SYNPO2: variants seen among roughly 807,000 people sequenced by gnomAD.
SYNPO2 encodes synaptopodin 2, also known as synaptopodin-2.
Under a neutral mutation model 85.0 loss-of-function variants are expected in SYNPO2, and 56 were observed. The observed-to-expected ratio is 0.66, with a 90% CI of 0.53 to 0.82. The LOEUF is 0.82. Among genes scored for constraint, SYNPO2 ranks in the 40% least tolerant of loss-of-function variants. SYNPO2 has a pLI of 0.00. For missense variants in SYNPO2, 1,575 were observed against 1,534.2 expected (o/e 1.03, Z -0.44); for synonymous variants, 602 against 591.1 (o/e 1.02, Z -0.27).
rs552766241 is a variant in SYNPO2 at position 118,956,883 on chromosome 4, A to G, written c.106-66547A>G. Among the ~76,000 whole-genome samples, 7 of 152,064 alleles carry G rather than the reference A, an allele frequency of 4.6e-5. No homozygotes were observed. In the East Asian group the frequency reaches 1.4e-3, roughly 30 times the overall value. ...AACATGGTGAAACTCCGTCTCTACTAAAAATATAAAAATTAGCCTGGTGTG... is the reference window on the plus strand; with the variant it reads ...AACATGGTGAAACTCCGTCTCTACTGAAAATATAAAAATTAGCCTGGTGTG... On this transcript the variant is annotated intron_variant, in intron 1 of 4. Transcript: ENST00000307142.
chr4:118,930,751 C>A (rs1028830026), intron 1 of SYNPO2, among the ~76,000 whole-genome samples: 109 of 119,892 alleles, frequency 9.1e-4, no homozygotes, highest in African/African-American at 1.6e-3. Flanking sequence ...CCCATATCTA[C>A]AAAAAAAAAA....
At chr4:118,969,399 T>C (rs1560924445) in intron 1 of SYNPO2, among the ~76,000 whole-genome samples, 1 of 87,738 alleles carries the variant, frequency 1.1e-5, no homozygotes, top group African/African-American at 3.7e-5. Flanking sequence ...AAATGGAAAA[T>C]GTATTTGTAA....
In SYNPO2 at chr4:118,974,950, T is replaced by C. The variant is rs547559176; in HGVS notation, c.106-48480T>C. On this transcript the variant is annotated intron_variant, in intron 1 of 4. Transcript: ENST00000307142. Reference sequence around the variant, plus strand: ...TGTCTAGTCCATCCTACACACTGACTAATCTCCCTAGAGTGCTTACAAACC... The same window carrying C: ...TGTCTAGTCCATCCTACACACTGACCAATCTCCCTAGAGTGCTTACAAACC... Among the ~76,000 whole-genome samples the C allele has an allele frequency of 2.6e-5, 4 of 152,348 alleles. No individual in the cohort carries two copies. In the East Asian group the frequency reaches 7.7e-4, roughly 29 times the overall value.
At chr4:118,992,359 C>G (rs1438566193) in intron 1 of SYNPO2, among the ~76,000 whole-genome samples, 4 of 152,034 alleles carry the variant, frequency 2.6e-5, no homozygotes, top group Admixed American at 1.3e-4. Flanking sequence ...AGGGACAATC[C>G]TGAAGTAGAA....
Position 119,031,753 on chromosome 4 carries a change from C to A in SYNPO2, c.2978C>A (p.Ser993Ter), listed in dbSNP as rs1738277671. Residue 993 changes from serine to a stop codon, truncating the protein, a stop_gained, in exon 4 of 5, where the codon TCA (serine) becomes TAA (stop). Coordinates refer to ENST00000307142, the MANE Select transcript of SYNPO2 (RefSeq NM_133477.3). LOFTEE classifies it high-confidence loss of function. ...DAKDGLPQKS[S>*]VKVNSALAMK... is the part of the protein sequence containing the mutation. The stretch of plus-strand genomic sequence containing the variant: ...AAGGATGGCCTCCCCCAGAAGTCAT[C>A]AGTCAAGGTCAATTCAGCCCTGGCC... The A allele has an allele frequency of 6.2e-7, 1 of 1,614,112 alleles. No homozygotes were observed. Among genetic ancestry groups the A allele is most frequent in the Non-Finnish European group, 8.5e-7 (1 of 1,180,048 alleles).
chr4:119,015,122 G>C (rs1334162297), intron 1 of SYNPO2, among the ~76,000 whole-genome samples: 1 of 152,120 alleles, frequency 6.6e-6, no homozygotes, highest in Admixed American at 6.6e-5. Flanking sequence ...ATTATAGTTT[G>C]ACAAAGTATA....
At chr4:118,901,086 T>TA (rs924634439) in intron 1 of SYNPO2, among the ~76,000 whole-genome samples, 3 of 152,164 alleles carry the variant, frequency 2.0e-5, no homozygotes, top group African/African-American at 7.2e-5. Context: ...AATTTTCTGA[T>TA]ATATTTTTCT....
At chr4:118,878,394 A>C (rs1731966144) in intron 1 of SYNPO2, among the ~76,000 whole-genome samples, 1 of 152,162 alleles carries the variant, frequency 6.6e-6, no homozygotes, top group South Asian at 2.1e-4. Context: ...AAACAAAAAG[A>C]ATATTATTTT....
At chr4:118,872,078 A>C (rs1479767217) in intron 1 of SYNPO2, among the ~76,000 whole-genome samples, 4 of 152,144 alleles carry the variant, frequency 2.6e-5, no homozygotes, top group Non-Finnish European at 5.9e-5. Context: ...ATAAAGCTTC[A>C]CTCAGGAATG....
rs1195602596 is a variant in SYNPO2, at chr4:119,032,043, G to A, written c.3252+16G>A. On this transcript the variant is annotated intron_variant, in intron 4 of 4. Transcript: ENST00000307142. Reference sequence around the variant, plus strand: ...CACAATTCAGGTGTGGAAACCATCTGTTGTGGAAGAGTAATCTTGTAGCTG... The same window carrying A: ...CACAATTCAGGTGTGGAAACCATCTATTGTGGAAGAGTAATCTTGTAGCTG... 3.7e-6 allele frequency: 6 copies of A among 1,613,110 alleles called. No individual in the cohort carries two copies. In the South Asian group the frequency reaches 5.5e-5, roughly 15 times the overall value.
At chr4:119,050,022 T>C (rs1319155702) in intron 4 of SYNPO2, among the ~76,000 whole-genome samples, 1 of 152,042 alleles carries the variant, frequency 6.6e-6, no homozygotes, top group African/African-American at 2.4e-5. Context: ...TGGTTTTGAA[T>C]CTTTTTTTTA....
intron 1 of SYNPO2, among the ~76,000 whole-genome samples, chr4:118,894,492 G>A (rs1165525095): frequency 6.6e-6 from 1 of 151,866 alleles, no homozygotes; most frequent in Non-Finnish European, 1.5e-5. Context: ...TCCATCCGTG[G>A]ACTTGCTAGC....
intron 4 of SYNPO2, among the ~76,000 whole-genome samples, chr4:119,056,533 G>A (rs1739211509): frequency 6.6e-6 from 1 of 152,130 alleles, no homozygotes; most frequent in South Asian, 2.1e-4. Context: ...TCCAGCCTGG[G>A]CAACAGAATG....
At chr4:118,896,499 T>C (rs1732554462) in intron 1 of SYNPO2, among the ~76,000 whole-genome samples, 1 of 152,236 alleles carries the variant, frequency 6.6e-6, no homozygotes, top group Non-Finnish European at 1.5e-5. Context: ...GTAAACACCT[T>C]CATGAAGTTA....
chr4:118,916,729 C>CTTTTTTTTTTTTTTTTTTTTTTCT (rs199715189), intron 1 of SYNPO2, among the ~76,000 whole-genome samples: 1 of 117,040 alleles, frequency 8.5e-6, no homozygotes, highest in Non-Finnish European at 1.7e-5. Context: ...ATTTTTCTTT[C>CTTTTTTTTTTTTTTTTTTTTTTCT]TTTTTTTTTT....
intron 1 of SYNPO2, among the ~76,000 whole-genome samples, chr4:118,855,585 TACATTAACCATTAAAATGCCA>T (rs1731491744): frequency 6.6e-6 from 1 of 152,164 alleles, no homozygotes; most frequent in Non-Finnish European, 1.5e-5. Context: ...TAATTTCAAA[TACATTAACCATTAAAATGCCA>T]CTTTAAATAT....
intron 1 of SYNPO2, among the ~76,000 whole-genome samples, chr4:118,940,831 C>G (rs764064928): frequency 6.6e-6 from 1 of 152,146 alleles, no homozygotes; most frequent in Non-Finnish European, 1.5e-5. Context: ...CACCTCCCAC[C>G]TCTCTCCTGT....
chr4:118,917,714 A>G (rs768645232), intron 1 of SYNPO2, among the ~76,000 whole-genome samples: 3 of 152,172 alleles, frequency 2.0e-5, no homozygotes, highest in Non-Finnish European at 4.4e-5. Context: ...CTAATACAAT[A>G]TTTCAATCTG....
chr4:118,978,887 T>G (rs1735895979), intron 1 of SYNPO2, among the ~76,000 whole-genome samples: 1 of 152,112 alleles, frequency 6.6e-6, no homozygotes. Flanking sequence ...GACTCCCTTG[T>G]CCAACTTATT....
Sources: gnomAD v4.1 joint callset for allele counts (sites outside exome capture counted in the v4.1 genomes callset) on GRCh38, gnomAD v4.1.1 for gene constraint, MANE v1.5 for transcripts, NCBI Gene and HGNC (gene_info 2026-07-23, HGNC 2026-07-21) for gene names.